Variants in TFPI observed in about 807,000 individuals in gnomAD.
TFPI encodes the protein tissue factor pathway inhibitor.
In TFPI, 15 loss-of-function variants were observed where a neutral mutation model predicts 34.6. The observed-to-expected ratio is 0.43, with a 90% CI of 0.29 to 0.67. The LOEUF (loss-of-function observed/expected upper bound fraction) is 0.67. TFPI is among the 30% of genes least tolerant of loss of function. The pLI is 0.15. For synonymous variants in TFPI, 105 were observed against 120.1 expected, an observed-to-expected ratio of 0.87 and a Z score of 0.82; for missense variants, 301 against 364.0, an observed-to-expected ratio of 0.83 and a Z score of 1.41.
Position 187,464,859 on chromosome 2 carries a change from A to G in TFPI, c.*2077T>C, listed in dbSNP as rs1443526107. The G allele has an allele frequency of 6.6e-6, 1 of 152,236 alleles. No individual in the cohort carries two copies. The highest frequency in any genetic ancestry group is 2.1e-4 in the South Asian group (1 of 4,836). The allele number at this position is 152,236 out of a possible 1,614,324, so 9.4% of individuals were successfully genotyped here. A position where few individuals can be genotyped will look rare whatever the true frequency, so the allele number is the denominator to read the frequency against. On this transcript the variant is annotated 3_prime_UTR_variant, in exon 8 of 8. Coordinates refer to ENST00000233156, the MANE Select transcript of TFPI (RefSeq NM_006287.6). Reference sequence around the variant, plus strand: ...ATACCATAGTAGAAAATGATTTGCAATTATGTGTTAGGACTTTTCATATTC... The same window carrying G: ...ATACCATAGTAGAAAATGATTTGCAGTTATGTGTTAGGACTTTTCATATTC...
At chr2:187,524,238 T>A (rs1303457755) in intron 1 of TFPI, among the ~76,000 whole-genome samples, 1 of 152,052 alleles carries the variant, frequency 6.6e-6, no homozygotes, top group Non-Finnish European at 1.5e-5. Flanking sequence ...GGTGTGAACA[T>A]AGGTTTGCAT....
chr2:187,517,708 G>A (rs1361407583), intron 1 of TFPI: 1 of 152,148 alleles, frequency 6.6e-6, no homozygotes, highest in Admixed American at 6.5e-5. Flanking sequence ...TTAATTTTCT[G>A]TCTCATTGAT....
At chr2:187,502,195 A>G (rs941331124) in intron 2 of TFPI, among the ~76,000 whole-genome samples, 4 of 152,218 alleles carry the variant, frequency 2.6e-5, no homozygotes, top group Non-Finnish European at 5.9e-5. Context: ...AAGCTACCTT[A>G]TAGTAATTTT....
At chr2:187,494,488 C>G (rs1685335844) in intron 3 of TFPI, among the ~76,000 whole-genome samples, 2 of 152,132 alleles carry the variant, frequency 1.3e-5, no homozygotes, top group South Asian at 4.1e-4. Flanking sequence ...AGGTCACAAT[C>G]CTGCACTGCC....
intron 6 of TFPI, among the ~76,000 whole-genome samples, chr2:187,482,845 G>A (rs1164266105): frequency 6.6e-6 from 1 of 151,960 alleles, no homozygotes; most frequent in Non-Finnish European, 1.5e-5. Context: ...TAAAGGGTAA[G>A]TCATGTAGAG....
intron 1 of TFPI, among the ~76,000 whole-genome samples, chr2:187,553,976 C>G (rs1454631812): frequency 6.6e-6 from 1 of 152,016 alleles, no homozygotes; most frequent in East Asian, 1.9e-4. Context: ...ATAAAAATTG[C>G]ACATAAATTT....
chr2:187,499,771 C>A lies in TFPI; in HGVS notation c.122-2693G>T, dbSNP rs538193751. On this transcript the variant is annotated intron_variant, in intron 2 of 7. Transcript: ENST00000233156. ...GCATTTTTAATTTTACAGCTATATA[C>A]CATTATCTCAAATTGCTGTAGAAAT... is the stretch of plus-strand genomic sequence containing the variant. Among the ~76,000 whole-genome samples the A allele has an allele frequency of 5.9e-5, 9 of 152,160 alleles. No individual in the cohort carries two copies. The East Asian group carries it at 1.7e-3, about 29-fold the overall frequency.
chr2:187,511,731 C>T (rs1686649429), intron 1 of TFPI, among the ~76,000 whole-genome samples: 2 of 152,014 alleles, frequency 1.3e-5, no homozygotes. Context: ...TGTACATAGA[C>T]ACTTGGTTAC....
In TFPI at chr2:187,464,770, A is replaced by G. The variant is rs1691636129; in HGVS notation, c.*2166T>C. On this transcript the variant is annotated 3_prime_UTR_variant, in exon 8 of 8. Transcript: ENST00000233156. ...AATTATTTATGCACTGAATATTTGA[A>G]TGAAGATGTATTATTTTCCTTAAGT... 6.6e-6 allele frequency: 1 copy of G among 152,216 alleles called. No individual in the cohort carries two copies. The highest frequency in any genetic ancestry group is 1.5e-5 in the Non-Finnish European group (1 of 68,030). The allele number at this position is 152,216 out of a possible 1,614,324, so 9.4% of individuals were successfully genotyped here. A position where few individuals can be genotyped will look rare whatever the true frequency, so the allele number is the denominator to read the frequency against.
At chr2:187,480,078 C>A (rs990061942) in intron 6 of TFPI, among the ~76,000 whole-genome samples, 4 of 151,786 alleles carry the variant, frequency 2.6e-5, no homozygotes, top group African/African-American at 9.7e-5. Context: ...TGAACACATT[C>A]AAACTCTTCG....
rs149263901 is a variant in TFPI, at chr2:187,468,639, A to C, written c.629-707T>G. Among the ~76,000 whole-genome samples, 762 of 152,220 alleles carry C rather than the reference A, an allele frequency of 5.0e-3. 6 individuals are homozygous for C. The highest frequency in any genetic ancestry group is 0.018 in the African/African-American group (730 of 41,536). On this transcript the variant is annotated intron_variant, in intron 6 of 7. Coordinates refer to ENST00000233156, the MANE Select transcript of TFPI (RefSeq NM_006287.6). Reference sequence around the variant, plus strand: ...GATAAGCTGGTTTGTCAATGGGATCAATCAATGGTTTTCAAAAACAGAAGA... The same window carrying C: ...GATAAGCTGGTTTGTCAATGGGATCCATCAATGGTTTTCAAAAACAGAAGA...
At chr2:187,480,237 G>C (rs1296694730) in intron 6 of TFPI, among the ~76,000 whole-genome samples, 1 of 151,968 alleles carries the variant, frequency 6.6e-6, no homozygotes. Context: ...CTGCAAATGG[G>C]AACTTACAAA....
chr2:187,503,746 A>C lies in TFPI; in HGVS notation c.23T>G (p.Val8Gly). ...GCATACAGAAGCCCAAAGTGCATGT[A>C]CTTTCTTCATTGTGTAAATCATCTC... MIYTMKK[V>G]HALWASVCLL... The change falls in exon 2 of 8, where the codon GTA becomes GGA. Residue 8 changes from valine (V) to glycine (G), a missense_variant. Val to Gly is a moderately radical substitution (Grantham distance 109). Transcript: ENST00000233156. The C allele has an allele frequency of 6.2e-7, 1 of 1,613,080 alleles. No individual in the cohort carries two copies. Among genetic ancestry groups the C allele is most frequent in the Non-Finnish European group, 8.5e-7 (1 of 1,179,284 alleles).
chr2:187,498,689 G>A (rs1685648880), intron 2 of TFPI, among the ~76,000 whole-genome samples: 1 of 151,756 alleles, frequency 6.6e-6, no homozygotes, highest in African/African-American at 2.4e-5. Context: ...TGATCTATTT[G>A]ATAAGTTAAT....
chr2:187,477,875 A>C (rs1327852942), intron 6 of TFPI, among the ~76,000 whole-genome samples: 1 of 152,196 alleles, frequency 6.6e-6, no homozygotes. Flanking sequence ...TAGAGTTTCA[A>C]GTAGCAAAAG....
intron 6 of TFPI, among the ~76,000 whole-genome samples, chr2:187,479,873 C>A (rs547873178): frequency 6.6e-6 from 1 of 151,526 alleles, no homozygotes; most frequent in Admixed American, 6.6e-5. Context: ...TAATGAATGA[C>A]TGGAAGAATA....
intron 3 of TFPI, among the ~76,000 whole-genome samples, chr2:187,491,215 A>G (rs1388004937): frequency 6.6e-6 from 1 of 151,434 alleles, no homozygotes; most frequent in African/African-American, 2.4e-5. Flanking sequence ...TTATTTTCAT[A>G]GATTTAGGGG....
rs559845598 is a variant in TFPI at position 187,554,080 on chromosome 2, G to T, written c.-3+120C>A. 5 of 152,016 alleles carry T rather than the reference G, an allele frequency of 3.3e-5. No individual in the cohort carries two copies. The South Asian group carries it at 1.0e-3, about 32-fold the overall frequency. 9.4% of individuals were successfully genotyped at this position (152,016 alleles called of 1,614,324 possible). A position where few individuals can be genotyped will look rare whatever the true frequency, so the allele number is the denominator to read the frequency against. On this transcript the variant is annotated intron_variant, in intron 1 of 7. Transcript: ENST00000233156. Reference sequence around the variant, plus strand: ...AGGGAAGGGCTGATTTTCATTTTACGCAAATAAACAGTGATCCTCCCCTAT... The same window carrying T: ...AGGGAAGGGCTGATTTTCATTTTACTCAAATAAACAGTGATCCTCCCCTAT...
intron 1 of TFPI, among the ~76,000 whole-genome samples, chr2:187,521,510 T>C (rs1169014130): frequency 6.6e-6 from 1 of 152,010 alleles, no homozygotes; most frequent in Admixed American, 6.5e-5. Context: ...TGAGAAACCT[T>C]CATATTAATA....
Sources: allele counts gnomAD v4.1 joint callset (sites outside exome capture counted in the v4.1 genomes callset), GRCh38; gene constraint gnomAD v4.1.1; transcripts MANE v1.5; gene names NCBI Gene and HGNC (gene_info 2026-07-23, HGNC 2026-07-21).